PLIN4: variants seen among roughly 807,000 people sequenced by gnomAD.
The protein encoded by PLIN4 is perilipin-4.
In PLIN4, 57 loss-of-function variants were observed where a neutral mutation model predicts 52.4. The ratio of observed to expected loss-of-function variants is 1.09; its 90% CI spans 0.88 to 1.36. PLIN4 has a LOEUF of 1.36. Among genes scored for constraint, PLIN4 ranks in the 40% most tolerant of loss-of-function variants. The pLI, the probability that PLIN4 is intolerant of heterozygous loss-of-function variation, is 0.00. For missense variants in PLIN4, 1,757 were observed against 1,770.3 expected (o/e 0.99, Z 0.13); for synonymous variants, 826 against 785.4 (o/e 1.05, Z -0.86).
At position 4,511,698 on chromosome 19, in the gene PLIN4, A is replaced by T. The variant is rs200701465; in HGVS notation, c.2262T>A (p.Thr754=). 2 of 965,736 alleles carry T rather than the reference A, an allele frequency of 2.1e-6. No homozygotes were observed. The highest frequency in any genetic ancestry group is 4.2e-5 in the African/African-American group (2 of 47,998). 59.8% of individuals were successfully genotyped at this position (965,736 alleles called of 1,614,324 possible). ...TAGTGCCAGTCAGGACAGACTTTGT[A>T]GTGTCCAGGCCCCCTTGGATGGCCC... The part of the protein sequence containing the change: ...AKGAIQGGLD[T]TKSVLTGTKD... The change falls in exon 5 of 8, where the codon ACT becomes ACA. Residue 754 remains threonine, a synonymous_variant. Coordinates refer to ENST00000301286, the MANE Select transcript of PLIN4 (RefSeq NM_001367868.2).
rs1297704418 is a variant in PLIN4 at position 4,512,587 on chromosome 19, G to T, written c.1373C>A (p.Thr458Asn). 2.5e-6 allele frequency: 4 copies of T among 1,610,266 alleles called. No homozygotes were observed. The highest frequency in any genetic ancestry group is 3.4e-6 in the Non-Finnish European group (4 of 1,178,230). Residue 458 changes from threonine to asparagine, a missense_variant, in exon 5 of 8, where the codon ACC (threonine) becomes AAC (asparagine). Physicochemically the swap from Thr to Asn is moderately conservative, Grantham distance 65. This residue lies in a region of PLIN4 where 439 missense variants were observed against 406.4 expected (regional missense o/e 1.08). Coordinates refer to ENST00000301286, the MANE Select transcript of PLIN4 (RefSeq NM_001367868.2). Reference sequence around the variant, plus strand: ...CTTGGTACCAGTTAGAACGATCTTGGTGGTGTCCACGCCTGTCTGGATGGT... The same window carrying T: ...CTTGGTACCAGTTAGAACGATCTTGTTGGTGTCCACGCCTGTCTGGATGGT... ...RGTIQTGVDT[T>N]KIVLTGTKDT...
At chr19:4,517,010 C>T (rs192483288) in intron 3 of PLIN4, among the ~76,000 whole-genome samples, 30 of 152,308 alleles carry the variant, frequency 2.0e-4, no homozygotes, top group African/African-American at 5.8e-4. Flanking sequence ...CCGCCCCCAC[C>T]GCAGCTGCCT....
rs563555579 is a variant in PLIN4, at chr19:4,518,258, G to A, written c.15C>T (p.Asp5=). ...GTTTGGGGGGATCCCGTCTCCCTTC[G>A]TCTGGAGCAGACATAGTGAGAACGT... MSAP[D]EGRRDPPKPK... The change falls in exon 2 of 8, where the codon GAC becomes GAT. Residue 5 remains aspartate, a synonymous_variant. Transcript: ENST00000301286. 70 of 1,232,916 alleles carry A rather than the reference G, an allele frequency of 5.7e-5. 1 individual carries two copies. Among genetic ancestry groups the A allele is most frequent in the Admixed American group, 4.2e-4 (10 of 23,758 alleles). The allele number at this position is 1,232,916 out of a possible 1,614,324, so 76.4% of individuals were successfully genotyped here. A position where few individuals can be genotyped will look rare whatever the true frequency, so the allele number is the denominator to read the frequency against.
At position 4,510,559 on chromosome 19, in the gene PLIN4, G is replaced by C. The variant is rs758167974; in HGVS notation, c.3401C>G (p.Thr1134Arg). Residue 1134 changes from threonine to arginine, a missense_variant, in exon 5 of 8, where the codon ACG (threonine) becomes AGG (arginine). Physicochemically the swap from Thr to Arg is moderately conservative, Grantham distance 71. Around this residue, in one of 7 missense-constraint regions of PLIN4, gnomAD observed 712 missense variants for 637.1 expected, o/e 1.12. Transcript: ENST00000301286. ...TQGAAPGRED[T>R]GLLATTHGPE... ...GCCGTGTGTGGTGGCCAAAAGCCCC[G>C]TGTCCTCCCTGCCTGGGGCGGCCCC... The C allele has an allele frequency of 6.7e-7, 1 of 1,498,108 alleles. No homozygotes were observed. Among genetic ancestry groups the C allele is most frequent in the Non-Finnish European group, 8.9e-7 (1 of 1,123,782 alleles). The allele number at this position is 1,498,108 out of a possible 1,614,324, so 92.8% of individuals were successfully genotyped here. A position where few individuals can be genotyped will look rare whatever the true frequency, so the allele number is the denominator to read the frequency against.
chr19:4,516,632 C>T lies in PLIN4; in HGVS notation c.243G>A (p.Leu81=), dbSNP rs1274424743. ...EQTAPWTEKE[L]QPSEKMVSGA... ...ATCCTCTCACCTTTTCCGAAGGTTG[C>T]AGCTCCTTCTCCGTCCATGGGGCCG... The change falls in exon 4 of 8, where the codon CTG becomes CTA. Residue 81 remains leucine, a synonymous_variant. Transcript: ENST00000301286. 1 of 1,605,188 alleles carries T rather than the reference C, an allele frequency of 6.2e-7. No individual in the cohort carries two copies. The highest frequency in any genetic ancestry group is 8.5e-7 in the Non-Finnish European group (1 of 1,176,012).
At chr19:4,517,724 G>T (rs1337471613) in intron 2 of PLIN4, 26 bp from the exon 3 acceptor site, 1 of 1,564,792 alleles carries the variant, frequency 6.4e-7, no homozygotes, top group Non-Finnish European at 8.7e-7. Context: ...GGGTGTGCAG[G>T]ATGAGCAGGC....
At chr19:4,516,204 T>A (rs1976577598) in intron 4 of PLIN4, among the ~76,000 whole-genome samples, 1 of 152,188 alleles carries the variant, frequency 6.6e-6, no homozygotes. Context: ...CGCTTGAACC[T>A]GGGAGGCAGA....
At position 4,503,726 on chromosome 19, in the gene PLIN4, GTT is replaced by G. The variant is rs1252236814; in HGVS notation, c.*731_*732del. 6.5e-6 allele frequency: 1 copy of G among 153,142 alleles called. No individual in the cohort carries two copies. Among genetic ancestry groups the G allele is most frequent in the Non-Finnish European group, 1.5e-5 (1 of 68,828 alleles). The allele number at this position is 153,142 out of a possible 1,614,324, so 9.5% of individuals were successfully genotyped here. A position where few individuals can be genotyped will look rare whatever the true frequency, so the allele number is the denominator to read the frequency against. ...GGAGGCAGCAGCAGCCTGTTTGCTT[GTT>G]TTTTGCACCCCCCACCCCCTGCAAA... On this transcript the variant is annotated 3_prime_UTR_variant, in exon 8 of 8. Coordinates refer to ENST00000301286, the MANE Select transcript of PLIN4 (RefSeq NM_001367868.2).
rs1975956781 is a variant in PLIN4, at chr19:4,502,661, A to G, written c.*1798T>C. 2.2e-5 allele frequency: 4 copies of G among 178,950 alleles called. No homozygotes were observed. In the South Asian group the frequency reaches 3.6e-4, roughly 16 times the overall value. 11.1% of individuals were successfully genotyped at this position (178,950 alleles called of 1,614,324 possible). On this transcript the variant is annotated 3_prime_UTR_variant, in exon 8 of 8. Transcript: ENST00000301286. ...TCAGGGAGCATGGGCCTCAGGGGCC[A>G]GCCTCGACTCACCCCAGCTGTGTCA...
At chr19:4,514,050 C>T (rs1009176432) in intron 4 of PLIN4, among the ~76,000 whole-genome samples, 9 of 152,248 alleles carry the variant, frequency 5.9e-5, no homozygotes, top group African/African-American at 1.7e-4. Flanking sequence ...CTGGACTCAA[C>T]GCAGGTCCTA....
In PLIN4 at chr19:4,516,685, G is replaced by C. The variant is rs1976592185; in HGVS notation, c.197-7C>G. 5 of 1,589,788 alleles carry C rather than the reference G, an allele frequency of 3.1e-6. No homozygotes were observed. The East Asian group carries it at 1.1e-4, about 36-fold the overall frequency. ...TGCTCTGGGTGGGCAGCCACTGTGG[G>C]GACAGGGGCCGGTCAGGGAGAGTGA... On this transcript the variant is annotated splice_region_variant and splice_polypyrimidine_tract_variant and intron_variant, in intron 3 of 7. Coordinates refer to ENST00000301286, the MANE Select transcript of PLIN4 (RefSeq NM_001367868.2).
chr19:4,511,384 G>A lies in PLIN4; in HGVS notation c.2576C>T (p.Thr859Ile). 1 of 1,580,942 alleles carries A rather than the reference G, an allele frequency of 6.3e-7. No individual in the cohort carries two copies. ...TGLKTTQNIA[T>I]GTKNTLGSGV... ...ACTGCCAAGGGTGTTCTTTGTACCT[G>A]TTGCGATATTTTGGGTCGTTTTCAG... Residue 859 changes from threonine (T) to isoleucine (I), a missense_variant, in exon 5 of 8, where the codon ACA (threonine) becomes ATA (isoleucine). Around this residue, in one of 7 missense-constraint regions of PLIN4, gnomAD observed 76 missense variants for 109.1 expected, o/e 0.70. Transcript: ENST00000301286.
In PLIN4 at chr19:4,512,490, A is replaced by C; in HGVS notation, c.1470T>G (p.Thr490=). The change falls in exon 5 of 8, where the codon ACT becomes ACG. Residue 490 remains threonine, a synonymous_variant. Coordinates refer to ENST00000301286, the MANE Select transcript of PLIN4 (RefSeq NM_001367868.2). ...TAGTGCCAGTCAGGACAGACTTTGT[A>C]GTGTCCAGGCCGCCCTGGACGGCCC... The part of the protein sequence containing the change: ...AKGAVQGGLD[T]TKSVLTGTKD... The C allele has an allele frequency of 6.4e-7, 1 of 1,569,246 alleles. No homozygotes were observed. The highest frequency in any genetic ancestry group is 8.6e-7 in the Non-Finnish European group (1 of 1,161,830).
In PLIN4 at chr19:4,512,862, G is replaced by C. The variant is rs187432849; in HGVS notation, c.1098C>G (p.Thr366=). 8 of 1,563,366 alleles carry C rather than the reference G, an allele frequency of 5.1e-6. 1 individual carries two copies. The highest frequency in any genetic ancestry group is 6.9e-6 in the Non-Finnish European group (8 of 1,165,738). Reference sequence around the variant, plus strand: ...TCACCCCACTGCAGACAGTGTTCTTGGTGCCAGTTAGGACAGTCTTGGTGG... The same window carrying C: ...TCACCCCACTGCAGACAGTGTTCTTCGTGCCAGTTAGGACAGTCTTGGTGG... ...VDTTKTVLTG[T]KNTVCSGVTG... is the part of the protein sequence containing the mutation. Residue 366 remains threonine (T), a synonymous_variant, in exon 5 of 8, where the codon ACC becomes ACG. Coordinates refer to ENST00000301286, the MANE Select transcript of PLIN4 (RefSeq NM_001367868.2).
chr19:4,510,770 A>G lies in PLIN4; in HGVS notation c.3190T>C (p.Trp1064Arg). The change falls in exon 5 of 8, where the codon TGG becomes CGG. Residue 1064 changes from tryptophan (W) to arginine (R), a missense_variant. Trp to Arg is a moderately radical substitution (Grantham distance 101). This residue lies in a region of PLIN4 where 712 missense variants were observed against 637.1 expected (regional missense o/e 1.12). Transcript: ENST00000301286. Reference protein sequence around the residue: ...NWLPSTPATSWGGLTSSRTTD... With the variant: ...NWLPSTPATSRGGLTSSRTTD... The stretch of plus-strand genomic sequence containing the variant: ...GTCCTGGAACTGGTGAGTCCACCCC[A>G]GGAGGTGGCGGGGGTACTAGGTAAC... 1.3e-6 allele frequency: 2 copies of G among 1,577,284 alleles called. No individual in the cohort carries two copies. The highest frequency in any genetic ancestry group is 4.5e-5 in the East Asian group (2 of 44,436).
At chr19:4,518,142 C>G (rs1599756017) in intron 2 of PLIN4, 80 bp downstream of exon 2, 2 of 1,163,670 alleles carry the variant, frequency 1.7e-6, no homozygotes, top group African/African-American at 1.6e-5. Context: ...TTCGAGACCC[C>G]AGGACTGTGG....
At position 4,510,440 on chromosome 19, in the gene PLIN4, C is replaced by T. The variant is rs772032820; in HGVS notation, c.3514+6G>A. The T allele has an allele frequency of 7.1e-7, 1 of 1,411,064 alleles. No homozygotes were observed. The highest frequency in any genetic ancestry group is 9.3e-7 in the Non-Finnish European group (1 of 1,078,544). 87.4% of individuals were successfully genotyped at this position (1,411,064 alleles called of 1,614,324 possible). On this transcript the variant is annotated splice_donor_region_variant and intron_variant, in intron 5 of 7. Coordinates refer to ENST00000301286, the MANE Select transcript of PLIN4 (RefSeq NM_001367868.2). ...CAGGGACCCATGAACCCAGGCGTCC[C>T]CTCACCTTGCTCCTCCGCATTCATG...
intron 4 of PLIN4, among the ~76,000 whole-genome samples, 161 bp from the exon 5 acceptor site, chr19:4,513,862 C>T (rs1976514133): frequency 6.6e-6 from 1 of 152,348 alleles, no homozygotes; most frequent in South Asian, 2.1e-4. Flanking sequence ...CTCACCCCGA[C>T]CCCGGTCAGC....
chr19:4,510,397 T>C, intron 5 of PLIN4, 49 bp downstream of exon 5: 2 of 1,354,242 alleles, frequency 1.5e-6, no homozygotes, highest in Non-Finnish European at 9.5e-7. Flanking sequence ...AAGGACCTGC[T>C]AGCAGCTGTG....
Sources: gnomAD v4.1 joint callset for allele counts (sites outside exome capture counted in the v4.1 genomes callset) on GRCh38, gnomAD v4.1.1 for gene constraint, gnomAD v4.1.1 regional missense constraint, MANE v1.5 for transcripts, NCBI Gene and HGNC (gene_info 2026-07-23, HGNC 2026-07-21) for gene names.